The following DDR1 variants were observed in gnomAD, a reference collection of about 807,000 sequenced individuals.
The protein encoded by DDR1 is epithelial discoidin domain-containing receptor 1.
DDR1 carries 64 observed loss-of-function variants against 97.4 expected under a neutral mutation model. The observed-to-expected ratio is 0.66, with a 90% CI of 0.54 to 0.81. DDR1 has a LOEUF of 0.81. DDR1 is among the 30% of genes least tolerant of loss of function. The pLI is 0.00. For synonymous variants in DDR1, 458 were observed against 503.7 expected (o/e 0.91, Z 1.21); for missense variants, 990 against 1,259.6 (o/e 0.79, Z 3.24).
intron 1 of DDR1, among the ~76,000 whole-genome samples, chr6:30,887,618 T>C (rs901157004): frequency 6.6e-6 from 1 of 152,202 alleles, no homozygotes; most frequent in African/African-American, 2.4e-5. Flanking sequence ...ATTGCCTCTT[T>C]GTTACTTTTC....
Position 30,897,896 on chromosome 6 carries a change from C to G in DDR1, c.2217-177C>G, listed in dbSNP as rs939513152. ...GGGGAGCACAATAAAAGAAGAGCCC[C>G]CTAGTGTTGGCCAGGCCTGGGAGAT... On this transcript the variant is annotated intron_variant, in intron 15 of 17. Coordinates refer to ENST00000376568, the MANE Select transcript of DDR1 (RefSeq NM_001297654.2). This position sits in a 1 kb window ranked among gnomAD's most constrained non-coding sequence, Gnocchi z 5.2. Among the ~76,000 whole-genome samples, 5 of 152,208 alleles carry G rather than the reference C, an allele frequency of 3.3e-5. No individual in the cohort carries two copies. The highest frequency in any genetic ancestry group is 1.2e-4 in the African/African-American group (5 of 41,452).
Position 30,889,070 on chromosome 6 carries a change from T to G in DDR1, c.188+60T>G. The stretch of plus-strand genomic sequence containing the variant: ...CGAGAGGAGCTCCTGGGACCTCTAC[T>G]TCCCCTCCAACCCCTCTGCCCATGC... On this transcript the variant is annotated intron_variant, in intron 3 of 17. Coordinates refer to ENST00000376568, the MANE Select transcript of DDR1 (RefSeq NM_001297654.2). The surrounding 1 kb of genome is among the most constrained non-coding windows in gnomAD (Gnocchi z 4.9). 3 of 1,589,788 alleles carry G rather than the reference T, an allele frequency of 1.9e-6. No individual in the cohort carries two copies. Among genetic ancestry groups the G allele is most frequent in the Non-Finnish European group, 2.6e-6 (3 of 1,159,680 alleles).
At chr6:30,881,214 C>A (rs1392511740), upstream of DDR1, 1 of 151,520 alleles carries the variant, frequency 6.6e-6, no homozygotes, top group African/African-American at 2.4e-5. Context: ...ACCAGGCGGT[C>A]CCCGGCTGGA....
At position 30,896,848 on chromosome 6, in the gene DDR1, G is replaced by A. The variant is rs764269995; in HGVS notation, c.1852G>A (p.Glu618Lys). The A allele has an allele frequency of 5.0e-6, 8 of 1,584,308 alleles. No individual in the cohort carries two copies. The highest frequency in any genetic ancestry group is 1.7e-5 in the Admixed American group (1 of 57,596). ...SRLRFKEKLG[E>K]GQFGEVHLCE... The stretch of plus-strand genomic sequence containing the variant: ...ACTCCGCTTCAAGGAGAAGCTTGGC[G>A]AGGGCCAGTTTGGGGAGGTAAGGAG... Residue 618 changes from glutamate (E) to lysine (K), a missense_variant, in exon 13 of 18, where the codon GAG (glutamate) becomes AAG (lysine). Glu to Lys is a moderately conservative substitution (Grantham distance 56, BLOSUM62 1). Transcript: ENST00000376568.
chr6:30,897,437 C>A lies in DDR1; in HGVS notation c.2056C>A (p.Arg686=), dbSNP rs747290299. The A allele has an allele frequency of 3.1e-6, 5 of 1,614,030 alleles. No homozygotes were observed. The highest frequency in any genetic ancestry group is 2.2e-5 in the East Asian group (1 of 44,886). Residue 686 remains arginine (R), a synonymous_variant, in exon 15 of 18, where the codon CGG becomes AGG. Transcript: ENST00000376568. This position sits in a 1 kb window ranked among gnomAD's most constrained non-coding sequence, Gnocchi z 5.2. ...GAGGCTCAAGGACCCAAACATCATT[C>A]GGCTGCTGGGCGTGTGTGTGCAGGA... ...MSRLKDPNII[R]LLGVCVQDDP...
In DDR1 at chr6:30,886,051, TG is replaced by T. The variant is rs1335162803; in HGVS notation, c.-43+1342del. On this transcript the variant is annotated intron_variant, in intron 1 of 17. Coordinates refer to ENST00000376568, the MANE Select transcript of DDR1 (RefSeq NM_001297654.2). This position sits in a 1 kb window ranked among gnomAD's most constrained non-coding sequence, Gnocchi z 4.6. Reference sequence around the variant, plus strand: ...GAAGACCCAGTGGAGAGAGATGAGGTGACTGGGGGTGTTGGAGAACAGACAG... The same window carrying T: ...GAAGACCCAGTGGAGAGAGATGAGGTACTGGGGGTGTTGGAGAACAGACAG... 6.6e-6 allele frequency among the ~76,000 whole-genome samples: 1 copy of T among 151,952 alleles called. No individual in the cohort carries two copies.
Position 30,897,959 on chromosome 6 carries a change from C to A in DDR1, c.2217-114C>A. The A allele has an allele frequency of 1.3e-6, 1 of 780,024 alleles. No homozygotes were observed. 48.3% of individuals were successfully genotyped at this position (780,024 alleles called of 1,614,324 possible). Reference sequence around the variant, plus strand: ...GACCCTTGGCCTCACGTGGGCATTCCACCTCCACATGGGGAGCCAGAGTGA... The same window carrying A: ...GACCCTTGGCCTCACGTGGGCATTCAACCTCCACATGGGGAGCCAGAGTGA... On this transcript the variant is annotated intron_variant, in intron 15 of 17. Transcript: ENST00000376568. This position sits in a 1 kb window ranked among gnomAD's most constrained non-coding sequence, Gnocchi z 5.2.
rs1787851485 is a variant in DDR1, at chr6:30,890,872, CTAAG to C, written c.418-99_418-96del. 4 of 1,330,822 alleles carry C rather than the reference CTAAG, an allele frequency of 3.0e-6. No homozygotes were observed. Among genetic ancestry groups the C allele is most frequent in the Non-Finnish European group, 4.0e-6 (4 of 987,886 alleles). 82.4% of individuals were successfully genotyped at this position (1,330,822 alleles called of 1,614,324 possible). On this transcript the variant is annotated intron_variant, in intron 4 of 17. Transcript: ENST00000376568. This position sits in a 1 kb window ranked among gnomAD's most constrained non-coding sequence, Gnocchi z 5.0. ...GCTCGGTGCCACCCCTCATGGGTCT[CTAAG>C]TGGCCACTGTGGGCTGGGCCAGGGA... is the stretch of plus-strand genomic sequence containing the variant.
Position 30,890,953 on chromosome 6 carries a change from C to T in DDR1, c.418-20C>T. 1 of 1,570,582 alleles carries T rather than the reference C, an allele frequency of 6.4e-7. No individual in the cohort carries two copies. The highest frequency in any genetic ancestry group is 1.8e-5 in the Admixed American group (1 of 54,624). The stretch of plus-strand genomic sequence containing the variant: ...TGACCTGGACTCCATCCCACCCACC[C>T]CCTGTTTCCTGGCCCACAGGTGATC... On this transcript the variant is annotated intron_variant, in intron 4 of 17. Coordinates refer to ENST00000376568, the MANE Select transcript of DDR1 (RefSeq NM_001297654.2). The surrounding 1 kb of genome is among the most constrained non-coding windows in gnomAD (Gnocchi z 5.0).
chr6:30,894,388 A>T lies in DDR1; in HGVS notation c.1348-118A>T. 1.0e-6 allele frequency: 1 copy of T among 953,162 alleles called. No homozygotes were observed. Among genetic ancestry groups the T allele is most frequent in the Non-Finnish European group, 1.5e-6 (1 of 667,186 alleles). The allele number at this position is 953,162 out of a possible 1,614,324, so 59.0% of individuals were successfully genotyped here. On this transcript the variant is annotated intron_variant, in intron 10 of 17. Coordinates refer to ENST00000376568, the MANE Select transcript of DDR1 (RefSeq NM_001297654.2). The surrounding 1 kb of genome is among the most constrained non-coding windows in gnomAD (Gnocchi z 5.7). ...CTGCCTGTAAGATGGTGCTGATAGT[A>T]TCCACAGCTGTAGGGCTCTTGTGAG...
rs1788892470 is a variant in DDR1 at position 30,892,520 on chromosome 6, C to A, written c.1077C>A (p.Phe359Leu). The stretch of plus-strand genomic sequence containing the variant: ...TCTTTGCGGGGCCCTGGTTACTCTT[C>A]AGCGAAATCTCCTTCATCTCTGGTA... ...RFLFAGPWLLFSEISFISDVV... is the reference protein window; with the variant it reads ...RFLFAGPWLLLSEISFISDVV... Residue 359 changes from phenylalanine to leucine, a missense_variant, in exon 8 of 18, where the codon TTC (phenylalanine) becomes TTA (leucine). Phe to Leu is a conservative substitution (Grantham distance 22, BLOSUM62 0). Transcript: ENST00000376568. 1.3e-6 allele frequency: 2 copies of A among 1,597,188 alleles called. No homozygotes were observed.
intron 1 of DDR1, chr6:30,885,261 C>T (rs566765956): frequency 6.5e-7 from 1 of 1,531,826 alleles, no homozygotes; most frequent in Non-Finnish European, 8.7e-7. Context: ...TCCCACCCCC[C>T]CATGCCTGGC....
intron 1 of DDR1, among the ~76,000 whole-genome samples, chr6:30,887,789 G>A (rs913486077): frequency 1.3e-5 from 2 of 151,854 alleles, no homozygotes; most frequent in Middle Eastern, 3.4e-3. Context: ...TTAAAGAGAT[G>A]GGGTCTCACT....
rs755666497 is a variant in DDR1 at position 30,888,702 on chromosome 6, C to T, written c.-28C>T. On this transcript the variant is annotated 5_prime_UTR_variant, in exon 2 of 18. Coordinates refer to ENST00000376568, the MANE Select transcript of DDR1 (RefSeq NM_001297654.2). This position sits in a 1 kb window ranked among gnomAD's most constrained non-coding sequence, Gnocchi z 4.2. ...ATCCCCTGCAGAGATGCTGCCCCCA[C>T]CCCCTTAGGCCCGAGGGATCAGGAG... 3.7e-6 allele frequency: 6 copies of T among 1,612,124 alleles called. No homozygotes were observed. The highest frequency in any genetic ancestry group is 2.7e-5 in the African/African-American group (2 of 74,882).
chr6:30,898,160 C>T lies in DDR1; in HGVS notation c.2304C>T (p.Ala768=). ...ATLNFVHRDL[A]TRNCLVGENF... is the part of the protein sequence containing the mutation. ...TCAACTTTGTACATCGGGACCTGGC[C>T]ACGCGGAACTGCCTAGTTGGGGAAA... The change falls in exon 16 of 18, where the codon GCC becomes GCT. Residue 768 remains alanine, a synonymous_variant. Coordinates refer to ENST00000376568, the MANE Select transcript of DDR1 (RefSeq NM_001297654.2). 2 of 1,614,276 alleles carry T rather than the reference C, an allele frequency of 1.2e-6. No homozygotes were observed. The highest frequency in any genetic ancestry group is 1.7e-6 in the Non-Finnish European group (2 of 1,180,048).
chr6:30,897,165 G>A lies in DDR1; in HGVS notation c.1997+24G>A. The A allele has an allele frequency of 6.2e-7, 1 of 1,612,438 alleles. No individual in the cohort carries two copies. The highest frequency in any genetic ancestry group is 8.5e-7 in the Non-Finnish European group (1 of 1,179,276). ...AGGTGAGGACCAGGGATGGCATCTG[G>A]AAGAAGGGAGGGGAGGCCGTGAAGA... is the stretch of plus-strand genomic sequence containing the variant. On this transcript the variant is annotated intron_variant, in intron 14 of 17. Coordinates refer to ENST00000376568, the MANE Select transcript of DDR1 (RefSeq NM_001297654.2). The surrounding 1 kb of genome is among the most constrained non-coding windows in gnomAD (Gnocchi z 5.2).
In DDR1 at chr6:30,897,609, C is replaced by G. The variant is rs147708689; in HGVS notation, c.2216+12C>G. ...GGGCCCACCATCAGGTACCTGCTTA[C>G]CCAGGCTGGGCCTTGCTCAGAATTC... On this transcript the variant is annotated intron_variant, in intron 15 of 17. Coordinates refer to ENST00000376568, the MANE Select transcript of DDR1 (RefSeq NM_001297654.2). The surrounding 1 kb of genome is among the most constrained non-coding windows in gnomAD (Gnocchi z 5.2). The G allele has an allele frequency of 2.5e-6, 4 of 1,601,126 alleles. No homozygotes were observed. The highest frequency in any genetic ancestry group is 3.4e-6 in the Non-Finnish European group (4 of 1,174,572).
Position 30,892,924 on chromosome 6 carries a change from G to A in DDR1, c.1100-144G>A, listed in dbSNP as rs568611824. 15 of 730,610 alleles carry A rather than the reference G, an allele frequency of 2.1e-5. 1 individual carries two copies. In the South Asian group the frequency reaches 2.5e-4, roughly 12 times the overall value. 45.3% of individuals were successfully genotyped at this position (730,610 alleles called of 1,614,324 possible). The stretch of plus-strand genomic sequence containing the variant: ...CCACAGCTGGGTGTTCCAGGACCCT[G>A]CTCCCCCAGCCCCCACTGGTCAGTG... On this transcript the variant is annotated intron_variant, in intron 8 of 17. Coordinates refer to ENST00000376568, the MANE Select transcript of DDR1 (RefSeq NM_001297654.2).
At position 30,893,106 on chromosome 6, in the gene DDR1, T is replaced by A; in HGVS notation, c.1138T>A (p.Phe380Ile). 1.2e-6 allele frequency: 2 copies of A among 1,612,134 alleles called. No individual in the cohort carries two copies. Among genetic ancestry groups the A allele is most frequent in the Non-Finnish European group, 1.7e-6 (2 of 1,179,938 alleles). ...NNSSPALGGT[F>I]PPAPWWPPGP... ...TTCCTCTCCGGCACTGGGAGGCACC[T>A]TCCCGCCAGCCCCCTGGTGGCCGCC... Residue 380 changes from phenylalanine (F) to isoleucine (I), a missense_variant, in exon 9 of 18, where the codon TTC becomes ATC. Phe to Ile is a conservative substitution (Grantham distance 21). Transcript: ENST00000376568.
Sources: allele counts gnomAD v4.1 joint callset (sites outside exome capture counted in the v4.1 genomes callset), GRCh38; gene constraint gnomAD v4.1.1; non-coding constraint Gnocchi (gnomAD v3.1); transcripts MANE v1.5; gene names NCBI Gene and HGNC (gene_info 2026-07-23, HGNC 2026-07-21).